BCAS3: variants seen among roughly 807,000 people sequenced by gnomAD.
BCAS3 encodes the protein BCAS4/BCAS3 fusion.
A neutral mutation model predicts 116.1 loss-of-function variants in BCAS3; 53 were observed. That is an observed-to-expected ratio of 0.46 (90% confidence interval 0.37 to 0.57). The LOEUF is 0.57. BCAS3 is among the 20% of genes least tolerant of loss of function. The pLI, the probability that BCAS3 is intolerant of heterozygous loss-of-function variation, is 0.00. For missense variants in BCAS3, 917 were observed against 1,165.4 expected, an observed-to-expected ratio of 0.79 and a Z score of 3.10; for synonymous variants, 391 against 408.2, an observed-to-expected ratio of 0.96 and a Z score of 0.51.
chr17:61,314,102 G>A (rs867845704), intron 22 of BCAS3, among the ~76,000 whole-genome samples: 2 of 152,230 alleles, frequency 1.3e-5, no homozygotes, highest in Admixed American at 6.5e-5. Context: ...CAGCTCCCTG[G>A]TTTGATGCTT....
At chr17:60,982,091 G>A (rs1467619824) in intron 14 of BCAS3, among the ~76,000 whole-genome samples, 4 of 152,054 alleles carry the variant, frequency 2.6e-5, no homozygotes, top group Non-Finnish European at 2.9e-5. Context: ...ATTAAGAGTT[G>A]CCTGAAAGAA....
At chr17:60,839,214 C>T (rs954163271) in intron 7 of BCAS3, among the ~76,000 whole-genome samples, 3 of 152,060 alleles carry the variant, frequency 2.0e-5, no homozygotes, top group Non-Finnish European at 4.4e-5. Context: ...AACTTAATTT[C>T]CAGTCCTTAA....
chr17:60,924,294 G>A, intron 12 of BCAS3, 113 bp from the exon 13 acceptor site: 1 of 820,498 alleles, frequency 1.2e-6, no homozygotes, highest in Non-Finnish European at 2.0e-6. Context: ...TAATCTGCTA[G>A]AGTGGAAACA....
chr17:61,201,759 C>CTTCTTTT (rs2080831667), intron 22 of BCAS3, among the ~76,000 whole-genome samples: 1 of 142,194 alleles, frequency 7.0e-6, no homozygotes, highest in African/African-American at 2.6e-5. Flanking sequence ...AGGAAACTAA[C>CTTCTTTT]TTTTTTTTTT....
Position 61,390,499 on chromosome 17 carries a change from T to A in BCAS3, c.2594-1478T>A, listed in dbSNP as rs1800815145. 1 of 152,010 alleles carries A rather than the reference T, an allele frequency of 6.6e-6. No homozygotes were observed. The highest frequency in any genetic ancestry group is 2.4e-5 in the African/African-American group (1 of 41,318). 9.4% of individuals were successfully genotyped at this position (152,010 alleles called of 1,614,324 possible). A position where few individuals can be genotyped will look rare whatever the true frequency, so the allele number is the denominator to read the frequency against. ...TCCCCAATTTGCCAAGAAGCCCTGG[T>A]GTCCCAGTGAACTGTCCCACCGAGA... On this transcript the variant is annotated intron_variant, in intron 23 of 23. Coordinates refer to ENST00000407086, the MANE Select transcript of BCAS3 (RefSeq NM_017679.5). The surrounding 1 kb of genome is among the most constrained non-coding windows in gnomAD (Gnocchi z 6.8).
At chr17:61,058,962 A>C (rs1001749279) in intron 19 of BCAS3, among the ~76,000 whole-genome samples, 1 of 144,486 alleles carries the variant, frequency 6.9e-6, no homozygotes, top group African/African-American at 2.5e-5. Flanking sequence ...GAAGAATGTG[A>C]TCTTTAGAGT....
At chr17:60,929,190 T>TG (rs1156741289) in intron 13 of BCAS3, among the ~76,000 whole-genome samples, 1 of 152,114 alleles carries the variant, frequency 6.6e-6, no homozygotes, top group Non-Finnish European at 1.5e-5. Context: ...GAGGCTGAGA[T>TG]GGGGGGACCA....
chr17:61,095,255 A>G lies in BCAS3; in HGVS notation c.2425+10691A>G, dbSNP rs2073891807. On this transcript the variant is annotated intron_variant, in intron 22 of 23. Transcript: ENST00000407086. This position sits in a 1 kb window ranked among gnomAD's most constrained non-coding sequence, Gnocchi z 4.7. ...AATGCAATAGCAGATATGAGAATCT[A>G]GCTGTTGTCTATTAGAGGATTTTCT... Among the ~76,000 whole-genome samples the G allele has an allele frequency of 6.6e-6, 1 of 152,230 alleles. No individual in the cohort carries two copies. The highest frequency in any genetic ancestry group is 6.5e-5 in the Admixed American group (1 of 15,286).
intron 22 of BCAS3, among the ~76,000 whole-genome samples, chr17:61,334,605 G>A (rs148988258): frequency 4.6e-4 from 68 of 147,376 alleles, no homozygotes; most frequent in African/African-American, 1.5e-3. Context: ...TGGAGGTTGC[G>A]GTGAGCTGAG....
intron 15 of BCAS3, among the ~76,000 whole-genome samples, chr17:61,009,675 A>T (rs1031140972): frequency 6.6e-6 from 1 of 152,072 alleles, no homozygotes; most frequent in East Asian, 1.9e-4. Flanking sequence ...ACAACTATAC[A>T]TATGTACACA....
intron 16 of BCAS3, among the ~76,000 whole-genome samples, chr17:61,022,362 C>G (rs1015009321): frequency 2.0e-5 from 3 of 152,006 alleles, no homozygotes; most frequent in African/African-American, 7.2e-5. Context: ...CCATTCTCCT[C>G]CCTCAGCCTC....
In BCAS3 at chr17:60,709,938, C is replaced by T. The variant is rs376858237; in HGVS notation, c.321+613C>T. On this transcript the variant is annotated intron_variant, in intron 5 of 23. Transcript: ENST00000407086. ...ATTTTGGCTTATTTCACTTATATTT[C>T]ATTATTTGGCATAATCTAAATAATT... 2.0e-5 allele frequency among the ~76,000 whole-genome samples: 3 copies of T among 152,140 alleles called. No individual in the cohort carries two copies. In the East Asian group the frequency reaches 5.8e-4, roughly 29 times the overall value.
At chr17:60,851,630 G>A in intron 7 of BCAS3, 1 of 691,386 alleles carries the variant, frequency 1.4e-6, no homozygotes, top group East Asian at 2.8e-5. Flanking sequence ...GGGGAGCAAA[G>A]GGAAAACAGG....
intron 15 of BCAS3, among the ~76,000 whole-genome samples, chr17:61,005,632 A>G (rs545246772): frequency 3.3e-5 from 5 of 152,108 alleles, no homozygotes; most frequent in African/African-American, 9.6e-5. Flanking sequence ...TCATGGGTAA[A>G]AAGAAGGAAG....
chr17:60,967,193 A>C lies in BCAS3; in HGVS notation c.1221+19841A>C, dbSNP rs1219190336. 3.3e-5 allele frequency among the ~76,000 whole-genome samples: 5 copies of C among 152,116 alleles called. No homozygotes were observed. The highest frequency in any genetic ancestry group is 4.4e-5 in the Non-Finnish European group (3 of 68,016). The stretch of plus-strand genomic sequence containing the variant: ...GCACATCAGAGTTTTCTTGGTTCAG[A>C]TTGAATTATTCTCGTTAGCATTTCT... On this transcript the variant is annotated intron_variant, in intron 14 of 23. Transcript: ENST00000407086. The surrounding 1 kb of genome is among the most constrained non-coding windows in gnomAD (Gnocchi z 4.7).
rs144436783 is a variant in BCAS3, at chr17:60,793,764, C to CAT, written c.404-14226_404-14225dup. 2.6e-3 allele frequency among the ~76,000 whole-genome samples: 387 copies of CAT among 150,202 alleles called. 2 individuals carry two copies. Among genetic ancestry groups the CAT allele is most frequent in the African/African-American group, 7.8e-3 (322 of 41,146 alleles). ...TTTTTATGGCTCAGGAATATTCCAT[C>CAT]ATATATATATATATACACACCAGAG... On this transcript the variant is annotated intron_variant, in intron 6 of 23. Transcript: ENST00000407086.
At chr17:61,209,928 C>T (rs2081357749) in intron 22 of BCAS3, among the ~76,000 whole-genome samples, 1 of 152,124 alleles carries the variant, frequency 6.6e-6, no homozygotes, top group East Asian at 1.9e-4. Flanking sequence ...GTTTCCTGTC[C>T]ATTTATGAAG....
chr17:60,939,447 C>CA (rs972237876), intron 13 of BCAS3, among the ~76,000 whole-genome samples: 1 of 151,836 alleles, frequency 6.6e-6, no homozygotes, highest in Non-Finnish European at 1.5e-5. Flanking sequence ...AAAGAAAAAA[C>CA]AAAAAACTAG....
At position 61,254,685 on chromosome 17, in the gene BCAS3, G is replaced by A. The variant is rs1416348194; in HGVS notation, c.2426-113642G>A. Among the ~76,000 whole-genome samples, 4 of 142,128 alleles carry A rather than the reference G, an allele frequency of 2.8e-5. No individual in the cohort carries two copies. In the East Asian group the frequency reaches 9.0e-4, roughly 32 times the overall value. 93.2% of individuals were successfully genotyped at this position (142,128 alleles called of 152,430 possible). ...CCAGCTACTCAGGAGGCTGAGGTAA[G>A]AGAATCACTTGAACCTGGGAGGTGG... On this transcript the variant is annotated intron_variant, in intron 22 of 23. Transcript: ENST00000407086.
Sources: gnomAD v4.1 joint callset for allele counts (sites outside exome capture counted in the v4.1 genomes callset) on GRCh38, gnomAD v4.1.1 for gene constraint, Gnocchi (gnomAD v3.1) non-coding constraint, MANE v1.5 for transcripts, NCBI Gene and HGNC (gene_info 2026-07-23, HGNC 2026-07-21) for gene names.